Variants in GPR179 observed in about 807,000 individuals in gnomAD.
GPR179 encodes the protein probable G protein-coupled receptor 179.
Under a neutral mutation model 70.8 loss-of-function variants are expected in GPR179, and 52 were observed. The observed-to-expected ratio is 0.73, with a 90% CI of 0.59 to 0.93. The LOEUF (loss-of-function observed/expected upper bound fraction) is 0.93, where lower values mean the gene tolerates loss of function less well. Among genes scored for constraint, GPR179 ranks in the 40% least tolerant of loss-of-function variants. The pLI, the probability that GPR179 is intolerant of heterozygous loss-of-function variation, is 0.00. For missense variants in GPR179, 2,734 were observed against 2,966.8 expected, an observed-to-expected ratio of 0.92 and a Z score of 1.82; for synonymous variants, 1,123 against 1,169.0, an observed-to-expected ratio of 0.96 and a Z score of 0.80.
At chr17:38,333,496 C>A in intron 9 of GPR179, 99 bp from the exon 10 acceptor site, 1 of 1,188,968 alleles carries the variant, frequency 8.4e-7, no homozygotes, top group Non-Finnish European at 1.2e-6. Flanking sequence ...CTTTGTGACG[C>A]TTCACCCCCT....
At position 38,327,876 on chromosome 17, in the gene GPR179, ATGC is replaced by A. The variant is rs780433548; in HGVS notation, c.5690_5692del (p.Ser1897del). 6.2e-7 allele frequency: 1 copy of A among 1,614,134 alleles called. No homozygotes were observed. ...ATGTCCCTCTGCCACTTCACTACTC[ATGC>A]TGCTGGGCAAGTCTGAGATCTTGGG... is the stretch of plus-strand genomic sequence containing the variant. On this transcript the variant is annotated inframe_deletion, in exon 11 of 11. Transcript: ENST00000616987.
rs2037385714 is a variant in GPR179, at chr17:38,334,473, G to A, written c.1784+231C>T. Reference sequence around the variant, plus strand: ...TTTGGGAGGGGTGAGGAGTTAGGAGGAAGGTCCTCTTCCTCCTCTTCTGTG... The same window carrying A: ...TTTGGGAGGGGTGAGGAGTTAGGAGAAAGGTCCTCTTCCTCCTCTTCTGTG... On this transcript the variant is annotated intron_variant, in intron 8 of 10. Coordinates refer to ENST00000616987, the MANE Select transcript of GPR179 (RefSeq NM_001004334.4). This position sits in a 1 kb window ranked among gnomAD's most constrained non-coding sequence, Gnocchi z 4.7. Among the ~76,000 whole-genome samples the A allele has an allele frequency of 6.6e-6, 1 of 152,038 alleles. No homozygotes were observed. The highest frequency in any genetic ancestry group is 1.5e-5 in the Non-Finnish European group (1 of 67,976).
At position 38,337,702 on chromosome 17, in the gene GPR179, G is replaced by A. The variant is rs1214266943; in HGVS notation, c.922C>T (p.Gln308Ter). 1 of 1,613,652 alleles carries A rather than the reference G, an allele frequency of 6.2e-7. No individual in the cohort carries two copies. The highest frequency in any genetic ancestry group is 1.3e-5 in the African/African-American group (1 of 74,914). ...AGGTAGCGGCCAAGAACAAAGCCCT[G>A]ACTCTCCAGGGGGACACACTATGGG... ...NSTQCVPLESQGFVLGRYLCR... is the reference protein window; with the variant it reads ...NSTQCVPLES Residue 308 changes from glutamine (Q) to a stop codon, truncating the protein, a stop_gained, in exon 3 of 11, where the codon CAG (glutamine) becomes TAG (stop). Transcript: ENST00000616987. LOFTEE classifies it high-confidence loss of function.
intron 1 of GPR179, among the ~76,000 whole-genome samples, chr17:38,340,976 G>A (rs765335945): frequency 3.3e-5 from 5 of 152,154 alleles, no homozygotes; most frequent in African/African-American, 4.8e-5. Context: ...AATTTGTTAT[G>A]CCTTTCTCTT....
rs775149199 is a variant in GPR179 at position 38,343,341 on chromosome 17, G to A, written c.449C>T (p.Thr150Ile). ...GCTGGCCCCTGGTGGAGGGTTAAAG[G>A]TCAGCAAAGCCCTGTACACTCTTGG... ...GDPRVYRALL[T>I]FNPPPGASHL... is the part of the protein sequence containing the mutation. The change falls in exon 1 of 11, where the codon ACC (threonine) becomes ATC (isoleucine). Residue 150 changes from threonine to isoleucine, a missense_variant. By Grantham distance (89) the Thr-to-Ile change is moderately conservative (BLOSUM62 -1). Coordinates refer to ENST00000616987, the MANE Select transcript of GPR179 (RefSeq NM_001004334.4). This position sits in a 1 kb window ranked among gnomAD's most constrained non-coding sequence, Gnocchi z 4.2. 1.3e-5 allele frequency: 21 copies of A among 1,614,042 alleles called. No individual in the cohort carries two copies. Among genetic ancestry groups the A allele is most frequent in the Admixed American group, 1.7e-5 (1 of 60,000 alleles).
chr17:38,339,821 A>G (rs1006220653), intron 1 of GPR179, among the ~76,000 whole-genome samples: 25 of 152,202 alleles, frequency 1.6e-4, no homozygotes, highest in African/African-American at 6.0e-4. Context: ...AGCAAGATAT[A>G]AAACCAAGAA....
At position 38,329,579 on chromosome 17, in the gene GPR179, ACCT is replaced by A. The variant is rs2037329779; in HGVS notation, c.3987_3989del (p.Gly1330del). ...CCTGAGGAGCTGACCCAGGGGACAG[ACCT>A]CCTCGATCGGCACTCTCCCAGGGAC... is the stretch of plus-strand genomic sequence containing the variant. On this transcript the variant is annotated inframe_deletion, in exon 11 of 11. Coordinates refer to ENST00000616987, the MANE Select transcript of GPR179 (RefSeq NM_001004334.4). 3 of 1,612,502 alleles carry A rather than the reference ACCT, an allele frequency of 1.9e-6. No individual in the cohort carries two copies. The highest frequency in any genetic ancestry group is 2.5e-6 in the Non-Finnish European group (3 of 1,179,636).
In GPR179 at chr17:38,333,957, C is replaced by G. The variant is rs377246896; in HGVS notation, c.1866G>C (p.Thr622=). 8.1e-6 allele frequency: 13 copies of G among 1,613,216 alleles called. No individual in the cohort carries two copies. The highest frequency in any genetic ancestry group is 1.1e-5 in the Non-Finnish European group (13 of 1,179,564). ...CCTTAGGGATGAAGATCAGAGCCAG[C>G]GTGGTGGTGACTGTGCTGTGGGTGT... is the stretch of plus-strand genomic sequence containing the variant. The part of the protein sequence containing the change: ...FFHTHSTVTT[T]LALIFIPKFW... Residue 622 remains threonine, a synonymous_variant, in exon 9 of 11, where the codon ACG becomes ACC. Coordinates refer to ENST00000616987, the MANE Select transcript of GPR179 (RefSeq NM_001004334.4).
In GPR179 at chr17:38,328,044, T is replaced by G; in HGVS notation, c.5525A>C (p.Gln1842Pro). Residue 1842 changes from glutamine (Q) to proline (P), a missense_variant, in exon 11 of 11, where the codon CAG (glutamine) becomes CCG (proline). By Grantham distance (76) the Gln-to-Pro change is moderately conservative. Transcript: ENST00000616987. ...CCCCTTTTCTAGAGCTTTCTCCCTC[T>G]GCTCTGCTGATTCACTCCCTGCCTT... ...DQKAGSESAE[Q>P]REKALEKGRL... The G allele has an allele frequency of 6.2e-7, 1 of 1,614,198 alleles. No homozygotes were observed. Among genetic ancestry groups the G allele is most frequent in the Non-Finnish European group, 8.5e-7 (1 of 1,180,030 alleles).
intron 3 of GPR179, 52 bp from the exon 4 acceptor site, chr17:38,337,265 A>G (rs1180605522): frequency 6.5e-7 from 1 of 1,527,462 alleles, no homozygotes; most frequent in East Asian, 2.4e-5. Flanking sequence ...GAGCATCCTG[A>G]CATCCCAGCC....
intron 2 of GPR179, 136 bp from the exon 3 acceptor site, chr17:38,337,856 G>A: frequency 1.4e-6 from 1 of 707,288 alleles, no homozygotes; most frequent in Non-Finnish European, 2.4e-6. Flanking sequence ...CCCTCCAGAA[G>A]CCCTCTCTAG....
rs528397336 is a variant in GPR179, at chr17:38,339,249, T to A, written c.903+168A>T. 270 of 560,478 alleles carry A rather than the reference T, an allele frequency of 4.8e-4. 1 individual carries two copies. The highest frequency in any genetic ancestry group is 7.9e-4 in the Non-Finnish European group (248 of 314,312). 34.7% of individuals were successfully genotyped at this position (560,478 alleles called of 1,614,324 possible). ...GGGGCAGGCTGTAGGTGACCTGACT[T>A]TTTAAAAGCCTGGTATCTCACCTCT... On this transcript the variant is annotated intron_variant, in intron 2 of 10. Transcript: ENST00000616987.
intron 1 of GPR179, 53 bp from the exon 2 acceptor site, chr17:38,339,578 G>C: frequency 1.6e-6 from 2 of 1,285,252 alleles, no homozygotes; most frequent in Non-Finnish European, 2.3e-6. Flanking sequence ...CAAAGTGGAC[G>C]TGTGTCCCTG....
intron 3 of GPR179, 144 bp from the exon 4 acceptor site, chr17:38,337,357 T>A: frequency 8.3e-7 from 1 of 1,208,596 alleles, no homozygotes; most frequent in Non-Finnish European, 1.1e-6. Context: ...GGGTGCTTCC[T>A]TGGGAGGGCA....
chr17:38,337,715 G>A lies in GPR179; in HGVS notation c.909C>T (p.Val303=), dbSNP rs9894059. The A allele has an allele frequency of 0.86, 1,385,796 of 1,612,978 alleles. 602,131 individuals carry two copies. Among genetic ancestry groups the A allele is most frequent in the East Asian group, 0.89 (39,864 of 44,866 alleles). The stretch of plus-strand genomic sequence containing the variant: ...GAACAAAGCCCTGACTCTCCAGGGG[G>A]ACACACTATGGGGACAACAAACACA... ...HLCDLNSTQC[V]PLESQGFVLG... Residue 303 remains valine, a synonymous_variant, in exon 3 of 11, where the codon GTC becomes GTT. Coordinates refer to ENST00000616987, the MANE Select transcript of GPR179 (RefSeq NM_001004334.4).
chr17:38,335,715 CA>C lies in GPR179; in HGVS notation c.1297-16del. 1.3e-6 allele frequency: 2 copies of C among 1,545,628 alleles called. No homozygotes were observed. Among genetic ancestry groups the C allele is most frequent in the Non-Finnish European group, 1.8e-6 (2 of 1,117,876 alleles). ...AGGATGAAGACCTGGTGGGAAGGGG[CA>C]AAAATCTCTGCTCTCTACTATGCTT... On this transcript the variant is annotated splice_polypyrimidine_tract_variant and intron_variant, in intron 5 of 10. Coordinates refer to ENST00000616987, the MANE Select transcript of GPR179 (RefSeq NM_001004334.4).
At position 38,329,935 on chromosome 17, in the gene GPR179, T is replaced by A. The variant is rs2037335567; in HGVS notation, c.3634A>T (p.Ile1212Phe). 6.2e-7 allele frequency: 1 copy of A among 1,614,108 alleles called. No individual in the cohort carries two copies. Among genetic ancestry groups the A allele is most frequent in the Non-Finnish European group, 8.5e-7 (1 of 1,180,050 alleles). Reference sequence around the variant, plus strand: ...ACAGGGGTTTCTTTTGATTGCTTGATGTTTTTGTCCCTGGAAACTTGCCTC... The same window carrying A: ...ACAGGGGTTTCTTTTGATTGCTTGAAGTTTTTGTCCCTGGAAACTTGCCTC... ...MLRQVSRDKN[I>F]KQSKETPVGW... Residue 1212 changes from isoleucine to phenylalanine, a missense_variant, in exon 11 of 11, where the codon ATC becomes TTC. Ile to Phe is a conservative substitution (Grantham distance 21). Transcript: ENST00000616987.
rs780276424 is a variant in GPR179 at position 38,328,971 on chromosome 17, T to G, written c.4598A>C (p.Glu1533Ala). 17 of 1,614,018 alleles carry G rather than the reference T, an allele frequency of 1.1e-5. No individual in the cohort carries two copies. Among genetic ancestry groups the G allele is most frequent in the Non-Finnish European group, 1.4e-5 (17 of 1,180,014 alleles). ...KAVQKLSQQQ[E>A]SVCPRESTVP... ...CGTGCTCTCCCTGGGACAAACTGAC[T>G]CCTGCTGTTGACTTAATTTCTGCAC... Residue 1533 changes from glutamate (E) to alanine (A), a missense_variant, in exon 11 of 11, where the codon GAG (glutamate) becomes GCG (alanine). Transcript: ENST00000616987.
intron 10 of GPR179, among the ~76,000 whole-genome samples, chr17:38,332,960 T>G (rs2037372047): frequency 6.6e-6 from 1 of 151,876 alleles, no homozygotes; most frequent in Non-Finnish European, 1.5e-5. Context: ...TGAGTGAGAG[T>G]GGAGGATGCG....
Sources: allele counts gnomAD v4.1 joint callset (sites outside exome capture counted in the v4.1 genomes callset), GRCh38; gene constraint gnomAD v4.1.1; non-coding constraint Gnocchi (gnomAD v3.1); transcripts MANE v1.5; gene names NCBI Gene and HGNC (gene_info 2026-07-23, HGNC 2026-07-21).